The following CPZ variants were observed in gnomAD, a reference collection of about 807,000 sequenced individuals.
CPZ encodes the protein VEZT/CPZ fusion.
In CPZ, 103 loss-of-function variants were observed where a neutral mutation model predicts 61.8. That is an observed-to-expected ratio of 1.67 (90% CI 1.42 to 1.96). The LOEUF is 1.96. Ranked by LOEUF, CPZ falls within the 30% of genes most tolerant of loss-of-function variation. The pLI is 0.00. For missense variants in CPZ, 1,461 were observed against 914.9 expected, an observed-to-expected ratio of 1.60 and a Z score of -7.70; for synonymous variants, 551 against 373.7, an observed-to-expected ratio of 1.47 and a Z score of -5.47.
At position 8,619,492 on chromosome 4, in the gene CPZ, G is replaced by A; in HGVS notation, c.1834G>A (p.Glu612Lys). ...ACTGGGAGGTGCCAGCTCTTTGGGG[G>A]AGGCCACGGAGCCCGACCCGCTCCG... The part of the protein sequence containing the change: ...DPLGGASSLG[E>K]ATEPDPLRAR... Residue 612 changes from glutamate (E) to lysine (K), a missense_variant, in exon 11 of 11, where the codon GAG becomes AAG. Coordinates refer to ENST00000360986, the MANE Select transcript of CPZ (RefSeq NM_001014447.3). The A allele has an allele frequency of 1.2e-6, 2 of 1,607,640 alleles. No individual in the cohort carries two copies. Among genetic ancestry groups the A allele is most frequent in the East Asian group, 2.2e-5 (1 of 44,678 alleles).
Position 8,618,359 on chromosome 4 carries a change from C to G in CPZ, c.1504-70C>G, listed in dbSNP as rs563420975. On this transcript the variant is annotated intron_variant, in intron 9 of 10. Coordinates refer to ENST00000360986, the MANE Select transcript of CPZ (RefSeq NM_001014447.3). ...CAAGCTCTGAGGAGCATGTGGGGAA[C>G]GAGCTGACGGCCTCCACGCTCAGCA... The G allele has an allele frequency of 4.8e-6, 7 of 1,459,296 alleles. No homozygotes were observed. In the Admixed American group the frequency reaches 6.7e-5, roughly 14 times the overall value. The allele number at this position is 1,459,296 out of a possible 1,614,324, so 90.4% of individuals were successfully genotyped here. A position where few individuals can be genotyped will look rare whatever the true frequency, so the allele number is the denominator to read the frequency against.
chr4:8,618,506 C>T lies in CPZ; in HGVS notation c.1581C>T (p.Gly527=), dbSNP rs375974880. 1.9e-6 allele frequency: 3 copies of T among 1,613,904 alleles called. No homozygotes were observed. Among genetic ancestry groups the T allele is most frequent in the African/African-American group, 2.7e-5 (2 of 74,936 alleles). ...PVKNARISVK[G]IRHDITTAPD... The stretch of plus-strand genomic sequence containing the variant: ...AAAACGCCCGGATCTCAGTCAAAGG[C>T]ATTCGCCACGACATCACCACAGGTG... The change falls in exon 10 of 11, where the codon GGC becomes GGT. Residue 527 remains glycine (G), a synonymous_variant. Transcript: ENST00000360986.
chr4:8,604,513 C>T (rs1209621104), intron 4 of CPZ, among the ~76,000 whole-genome samples: 1 of 152,192 alleles, frequency 6.6e-6, no homozygotes, highest in Admixed American at 6.5e-5. Context: ...CAGAGTTTTG[C>T]TCTTGTTGCC....
intron 1 of CPZ, among the ~76,000 whole-genome samples, chr4:8,594,278 G>A (rs1031941988): frequency 2.0e-5 from 3 of 152,196 alleles, no homozygotes; most frequent in Non-Finnish European, 2.9e-5. Context: ...GGGCAGAGCC[G>A]GTCACCTGCA....
Position 8,619,536 on chromosome 4 carries a change from G to C in CPZ, c.1878G>C (p.Ser626=), listed in dbSNP as rs148258197. 1.3e-6 allele frequency: 2 copies of C among 1,578,166 alleles called. No individual in the cohort carries two copies. The highest frequency in any genetic ancestry group is 2.3e-5 in the East Asian group (1 of 44,426). The change falls in exon 11 of 11, where the codon TCG becomes TCC. Residue 626 remains serine, a synonymous_variant. Coordinates refer to ENST00000360986, the MANE Select transcript of CPZ (RefSeq NM_001014447.3). Reference sequence around the variant, plus strand: ...CGCTCCGGGCGCGCAGGCAGCCCTCGGCCGACGGGAGTAAGCCCTGGTGGT... The same window carrying C: ...CGCTCCGGGCGCGCAGGCAGCCCTCCGCCGACGGGAGTAAGCCCTGGTGGT... ...PDPLRARRQP[S]ADGSKPWWWS...
At chr4:8,618,187 T>C (rs1716361667) in intron 9 of CPZ, 5 of 534,736 alleles carry the variant, frequency 9.4e-6, no homozygotes, top group African/African-American at 1.9e-5. Context: ...TCGGGTGAGA[T>C]GCAGGGTCAT....
chr4:8,613,665 T>C (rs184969824), intron 8 of CPZ, among the ~76,000 whole-genome samples: 1 of 152,256 alleles, frequency 6.6e-6, no homozygotes, highest in Non-Finnish European at 1.5e-5. Context: ...TTGGAGATGG[T>C]CATGGCTTCT....
At chr4:8,609,020 C>T (rs141279340) in intron 7 of CPZ, among the ~76,000 whole-genome samples, 8 of 152,010 alleles carry the variant, frequency 5.3e-5, no homozygotes, top group African/African-American at 1.9e-4. Flanking sequence ...CATTCATTAA[C>T]TCACTCCTTC....
intron 4 of CPZ, among the ~76,000 whole-genome samples, chr4:8,605,626 CATTGA>C (rs1560294221): frequency 4.5e-5 from 5 of 111,116 alleles, no homozygotes; most frequent in African/African-American, 2.7e-4. Context: ...ATCCATCCAT[CATTGA>C]TATATCCATT....
chr4:8,613,246 C>A (rs896868166), intron 8 of CPZ, among the ~76,000 whole-genome samples: 1 of 152,112 alleles, frequency 6.6e-6, no homozygotes, highest in Non-Finnish European at 1.5e-5. Flanking sequence ...ATTCTCCTGC[C>A]TCAGCCTCCC....
intron 9 of CPZ, 40 bp from the exon 10 acceptor site, chr4:8,618,389 A>C: frequency 6.3e-7 from 1 of 1,595,176 alleles, no homozygotes; most frequent in Non-Finnish European, 8.6e-7. Context: ...TCAGCAGGAG[A>C]GCTCACGCCA....
intron 7 of CPZ, among the ~76,000 whole-genome samples, chr4:8,608,355 G>A (rs973532065): frequency 8.5e-5 from 13 of 152,302 alleles, no homozygotes; most frequent in Non-Finnish European, 1.8e-4. Flanking sequence ...GGGAGAGAGG[G>A]ACTGGCCCTG....
intron 2 of CPZ, chr4:8,599,973 C>T (rs959633258): frequency 6.4e-6 from 1 of 156,526 alleles, no homozygotes; most frequent in African/African-American, 2.4e-5. Flanking sequence ...CAGGTCAGGG[C>T]TGAGGACAGG....
intron 9 of CPZ, among the ~76,000 whole-genome samples, chr4:8,615,634 G>T (rs1308701615): frequency 2.0e-5 from 3 of 152,140 alleles, no homozygotes; most frequent in Non-Finnish European, 4.4e-5. Flanking sequence ...TGAGGTTCTG[G>T]CCTGGGGTCT....
chr4:8,614,465 C>T lies in CPZ; in HGVS notation c.1470C>T (p.His490=), dbSNP rs1423984393. ...AGGCCCTGTACATACTCTGGCAGCA[C>T]AACAAGGAGTCACTCCTGAATTTCG... ...PEEALYILWQ[H]NKESLLNFVE... is the part of the protein sequence containing the mutation. Residue 490 remains histidine (H), a synonymous_variant, in exon 9 of 11, where the codon CAC becomes CAT. Transcript: ENST00000360986. The T allele has an allele frequency of 6.2e-7, 1 of 1,613,516 alleles. No individual in the cohort carries two copies. Among genetic ancestry groups the T allele is most frequent in the Non-Finnish European group, 8.5e-7 (1 of 1,179,672 alleles).
At chr4:8,613,722 G>A (rs1259296800) in intron 8 of CPZ, among the ~76,000 whole-genome samples, 1 of 152,246 alleles carries the variant, frequency 6.6e-6, no homozygotes, top group East Asian at 1.9e-4. Flanking sequence ...GGCAGAAGCG[G>A]GTATGGCTGG....
chr4:8,596,015 GCAGACTTC>G (rs1323993343), intron 1 of CPZ, among the ~76,000 whole-genome samples: 2 of 128,328 alleles, frequency 1.6e-5, no homozygotes, highest in Non-Finnish European at 3.3e-5. Flanking sequence ...CTGCAGACCT[GCAGACTTC>G]CAGCCTTCCA....
At chr4:8,607,206 G>A (rs936957370) in intron 6 of CPZ, 61 bp from the exon 7 acceptor site, 1 of 1,565,036 alleles carries the variant, frequency 6.4e-7, no homozygotes, top group Non-Finnish European at 8.7e-7. Flanking sequence ...GAAGCCCAGG[G>A]CATGGCTGCG....
chr4:8,616,157 C>G (rs183707695), intron 9 of CPZ, among the ~76,000 whole-genome samples: 7 of 152,184 alleles, frequency 4.6e-5, no homozygotes, highest in Non-Finnish European at 1.0e-4. Context: ...GCTCTTGAGA[C>G]GGACGTCTTA....
Sources: allele counts gnomAD v4.1 joint callset (sites outside exome capture counted in the v4.1 genomes callset), GRCh38; gene constraint gnomAD v4.1.1; transcripts MANE v1.5; gene names NCBI Gene and HGNC (gene_info 2026-07-23, HGNC 2026-07-21).